TEAD4: variants seen among roughly 807,000 people sequenced by gnomAD.
TEAD4 encodes TEA domain transcription factor 4.
In TEAD4, 36 loss-of-function variants were observed where a neutral mutation model predicts 52.4. The observed-to-expected ratio is 0.69, with a 90% CI of 0.53 to 0.91. The LOEUF (loss-of-function observed/expected upper bound fraction) is 0.91, where lower values mean the gene tolerates loss of function less well. Among genes scored for constraint, TEAD4 ranks in the 40% least tolerant of loss-of-function variants. The pLI, the probability that TEAD4 is intolerant of heterozygous loss-of-function variation, is 0.00. For missense variants in TEAD4, 508 were observed against 583.9 expected, an observed-to-expected ratio of 0.87 and a Z score of 1.34; for synonymous variants, 220 against 231.0, an observed-to-expected ratio of 0.95 and a Z score of 0.43.
intron 10 of TEAD4, among the ~76,000 whole-genome samples, chr12:3,027,541 G>A (rs2098272778): frequency 6.6e-6 from 1 of 152,136 alleles, no homozygotes; most frequent in Non-Finnish European, 1.5e-5. Context: ...GACCAGCCTG[G>A]GCACATGACA....
chr12:2,984,930 ACTACT>A (rs964625812), intron 2 of TEAD4, among the ~76,000 whole-genome samples: 4 of 152,184 alleles, frequency 2.6e-5, no homozygotes, highest in South Asian at 2.1e-4. Context: ...TTGACTGTAC[ACTACT>A]CTACACTAGG....
intron 3 of TEAD4, among the ~76,000 whole-genome samples, chr12:3,007,935 A>T (rs893764798): frequency 2.6e-5 from 4 of 152,218 alleles, no homozygotes; most frequent in African/African-American, 9.7e-5. Context: ...AGGCTAAAAC[A>T]GTTACGGGAC....
chr12:3,007,593 A>T (rs945388088), intron 3 of TEAD4, among the ~76,000 whole-genome samples: 1 of 152,254 alleles, frequency 6.6e-6, no homozygotes, highest in African/African-American at 2.4e-5. Flanking sequence ...TCATTGAAGT[A>T]TAACTGACAT....
At chr12:2,991,328 T>TA (rs1173829933) in intron 2 of TEAD4, among the ~76,000 whole-genome samples, 2 of 152,256 alleles carry the variant, frequency 1.3e-5, no homozygotes, top group African/African-American at 4.8e-5. Context: ...TCATCTTATC[T>TA]ACTATATTGC....
At chr12:2,968,447 G>C (rs1247108983) in intron 2 of TEAD4, among the ~76,000 whole-genome samples, 1 of 121,306 alleles carries the variant, frequency 8.2e-6, no homozygotes, top group Non-Finnish European at 1.6e-5. Flanking sequence ...ACCCAGGCTA[G>C]AGTGCAGCGT....
chr12:3,021,756 A>G (rs1374021754), intron 9 of TEAD4, 88 bp from the exon 10 acceptor site: 37 of 1,433,298 alleles, frequency 2.6e-5, no homozygotes, highest in East Asian at 1.1e-4. Context: ...GGCTTGCACC[A>G]GGTCACGTGG....
chr12:3,014,732 C>G (rs905078308), intron 5 of TEAD4, among the ~76,000 whole-genome samples: 2 of 152,188 alleles, frequency 1.3e-5, no homozygotes, highest in African/African-American at 4.8e-5. Context: ...CTCCATTGCC[C>G]GGCTACTGCT....
Position 2,994,053 on chromosome 12 carries a change from C to A in TEAD4, c.-29-685C>A, listed in dbSNP as rs2153955333. On this transcript the variant is annotated intron_variant, in intron 2 of 12. Transcript: ENST00000359864. The surrounding 1 kb of genome is among the most constrained non-coding windows in gnomAD (Gnocchi z 4.7). ...TGAGTGTACATATATATCTTTGAGA[C>A]CCTGCTTTCAGTTTGTTTGGGTATA... Among the ~76,000 whole-genome samples the A allele has an allele frequency of 6.6e-6, 1 of 152,228 alleles. No homozygotes were observed. The highest frequency in any genetic ancestry group is 2.1e-4 in the South Asian group (1 of 4,818).
intron 2 of TEAD4, among the ~76,000 whole-genome samples, chr12:2,987,236 G>A (rs1174327177): frequency 6.6e-6 from 1 of 152,166 alleles, no homozygotes; most frequent in African/African-American, 2.4e-5. Context: ...CCCCCAAGGA[G>A]TCTGTTTAGG....
Position 2,960,018 on chromosome 12 carries a change from C to G in TEAD4, c.-52C>G, listed in dbSNP as rs1246638914. On this transcript the variant is annotated 5_prime_UTR_variant, in exon 2 of 13. Transcript: ENST00000359864. ...TGGAACTGGCTTAGCGCACCCATCC[C>G]ACCTTCCCGCACCCTGGGACCGGTA... 2 of 152,380 alleles carry G rather than the reference C, an allele frequency of 1.3e-5. No homozygotes were observed. Among genetic ancestry groups the G allele is most frequent in the African/African-American group, 4.8e-5 (2 of 41,474 alleles). The allele number at this position is 152,380 out of a possible 1,614,324, so 9.4% of individuals were successfully genotyped here.
intron 2 of TEAD4, among the ~76,000 whole-genome samples, chr12:2,977,372 AT>A (rs1191325664): frequency 6.6e-6 from 1 of 151,332 alleles, no homozygotes; most frequent in East Asian, 1.9e-4. Context: ...TTGACCAGGC[AT>A]TGCTCAAGGG....
intron 5 of TEAD4, among the ~76,000 whole-genome samples, chr12:3,015,912 C>T (rs147520188): frequency 2.4e-4 from 37 of 152,176 alleles, no homozygotes; most frequent in African/African-American, 8.7e-4. Flanking sequence ...GGGGCGGTGG[C>T]TCATGCCTAT....
At chr12:3,035,299 G>C (rs979396959) in intron 10 of TEAD4, among the ~76,000 whole-genome samples, 1 of 152,070 alleles carries the variant, frequency 6.6e-6, no homozygotes, top group Admixed American at 6.6e-5. Flanking sequence ...AAAATCTGAG[G>C]GTCACCACCA....
intron 4 of TEAD4, among the ~76,000 whole-genome samples, chr12:3,011,875 A>G (rs906914449): frequency 6.6e-6 from 1 of 152,116 alleles, no homozygotes; most frequent in African/African-American, 2.4e-5. Flanking sequence ...TGTGTTGGCC[A>G]GGCTGGTCTC....
At chr12:3,022,186 C>T (rs902918884) in intron 10 of TEAD4, among the ~76,000 whole-genome samples, 169 bp downstream of exon 10, 4 of 152,024 alleles carry the variant, frequency 2.6e-5, no homozygotes, top group African/African-American at 9.7e-5. Context: ...GGAGCTGAGC[C>T]GAGGAGCGGG....
At chr12:3,036,997 C>T (rs553330512) in intron 10 of TEAD4, among the ~76,000 whole-genome samples, 3 of 152,164 alleles carry the variant, frequency 2.0e-5, no homozygotes, top group South Asian at 4.2e-4. Context: ...AAACCGAGGC[C>T]GTGGTTTTGG....
At chr12:2,995,575 C>T (rs1041226796) in intron 3 of TEAD4, among the ~76,000 whole-genome samples, 1 of 152,166 alleles carries the variant, frequency 6.6e-6, no homozygotes, top group African/African-American at 2.4e-5. Context: ...CAGAGGGTCA[C>T]CAGAAACGGC....
chr12:2,964,624 AT>A (rs71057872), intron 2 of TEAD4, among the ~76,000 whole-genome samples: 70,291 of 125,370 alleles, frequency 0.56, 17,993 homozygotes, highest in Middle Eastern at 0.6. Flanking sequence ...CACCTGGCTA[AT>A]TTTTTTTTTT....
chr12:2,983,667 A>T (rs1371545178), intron 2 of TEAD4, among the ~76,000 whole-genome samples: 1 of 152,198 alleles, frequency 6.6e-6, no homozygotes, highest in African/African-American at 2.4e-5. Flanking sequence ...TTTATGCACA[A>T]TTCAAGCTCT....
Sources: gnomAD v4.1 joint callset for allele counts (sites outside exome capture counted in the v4.1 genomes callset) on GRCh38, gnomAD v4.1.1 for gene constraint, Gnocchi (gnomAD v3.1) non-coding constraint, MANE v1.5 for transcripts, NCBI Gene and HGNC (gene_info 2026-07-23, HGNC 2026-07-21) for gene names.